IQGAP2: variants seen among roughly 807,000 people sequenced by gnomAD.
IQGAP2 encodes the protein ras GTPase-activating-like protein IQGAP2.
IQGAP2 carries 173 observed loss-of-function variants against 201.3 expected under a neutral mutation model. The observed-to-expected ratio is 0.86, with a 90% confidence interval of 0.76 to 0.98. The LOEUF (loss-of-function observed/expected upper bound fraction) is 0.98, where lower values mean the gene tolerates loss of function less well. IQGAP2 is among the 50% of genes least tolerant of loss of function. The pLI is 0.00. For synonymous variants in IQGAP2, 675 were observed against 673.9 expected, an observed-to-expected ratio of 1.00 and a Z score of -0.03; for missense variants, 1,687 against 1,864.8, an observed-to-expected ratio of 0.90 and a Z score of 1.76.
At chr5:76,647,823 C>CCACACACACACACA (rs374577768) in intron 17 of IQGAP2, among the ~76,000 whole-genome samples, 4 of 62,638 alleles carry the variant, frequency 6.4e-5, no homozygotes, top group African/African-American at 1.4e-4. Flanking sequence ...TAGCCAAACA[C>CCACACACACACACA]CACACACACA....
At chr5:76,565,929 G>T (rs1192710572) in intron 3 of IQGAP2, among the ~76,000 whole-genome samples, 2 of 152,046 alleles carry the variant, frequency 1.3e-5, no homozygotes, top group Non-Finnish European at 2.9e-5. Context: ...CCCAGGAAGC[G>T]GTACTCTTAA....
At chr5:76,638,018 A>G (rs1213922816) in intron 16 of IQGAP2, among the ~76,000 whole-genome samples, 1 of 152,198 alleles carries the variant, frequency 6.6e-6, no homozygotes, top group Non-Finnish European at 1.5e-5. Flanking sequence ...ATCTCTTTTT[A>G]ACCAAACTAT....
intron 21 of IQGAP2, chr5:76,660,098 A>ATAGG (rs1477367329): frequency 9.8e-6 from 1 of 102,212 alleles, no homozygotes. Flanking sequence ...ACAGTGGCTC[A>ATAGG]TAGAGCGCCA....
intron 2 of IQGAP2, among the ~76,000 whole-genome samples, chr5:76,501,434 TAAAC>T (rs1192086453): frequency 1.3e-5 from 2 of 152,058 alleles, no homozygotes; most frequent in African/African-American, 4.8e-5. Context: ...TTAAAAATAA[TAAAC>T]TATAAAGGAA....
At chr5:76,612,188 C>T (rs994460246) in intron 13 of IQGAP2, among the ~76,000 whole-genome samples, 1 of 151,998 alleles carries the variant, frequency 6.6e-6, no homozygotes, top group Non-Finnish European at 1.5e-5. Context: ...TTGTTGAAAG[C>T]TATCTAAAAT....
At chr5:76,633,558 A>G (rs1347644594) in intron 15 of IQGAP2, among the ~76,000 whole-genome samples, 1 of 152,218 alleles carries the variant, frequency 6.6e-6, no homozygotes, top group Middle Eastern at 3.2e-3. Flanking sequence ...TTTATATGCC[A>G]TAAAATTGTC....
At chr5:76,551,902 A>AGGGGGAGGGGG (rs1743576433) in intron 2 of IQGAP2, among the ~76,000 whole-genome samples, 1 of 8,614 alleles carries the variant, frequency 1.2e-4, no homozygotes, top group African/African-American at 4.3e-4. Context: ...GGGGGAGGGG[A>AGGGGGAGGGGG]GGGGGAGGGA....
intron 2 of IQGAP2, among the ~76,000 whole-genome samples, chr5:76,498,759 G>A (rs531078392): frequency 5.3e-4 from 80 of 152,212 alleles, no homozygotes; most frequent in Non-Finnish European, 9.8e-4. Context: ...CTTACCTGGT[G>A]TATCTCCTTA....
rs1742944394 is a variant in IQGAP2 at position 76,658,396 on chromosome 5, C to A, written c.2321-63C>A. 3.0e-6 allele frequency: 4 copies of A among 1,329,920 alleles called. No homozygotes were observed. The South Asian group carries it at 4.8e-5, about 16-fold the overall frequency. 82.4% of individuals were successfully genotyped at this position (1,329,920 alleles called of 1,614,324 possible). On this transcript the variant is annotated intron_variant, in intron 20 of 35. Coordinates refer to ENST00000274364, the MANE Select transcript of IQGAP2 (RefSeq NM_006633.5). Reference sequence around the variant, plus strand: ...CTAGTAATTATTTAAGACCTTGTTTCTTTCCTGTTGATAATCATTCCAAGC... The same window carrying A: ...CTAGTAATTATTTAAGACCTTGTTTATTTCCTGTTGATAATCATTCCAAGC...
chr5:76,444,743 A>G (rs1009745679), intron 1 of IQGAP2, among the ~76,000 whole-genome samples: 1 of 152,240 alleles, frequency 6.6e-6, no homozygotes, highest in Non-Finnish European at 1.5e-5. Flanking sequence ...GCAGTCGAAG[A>G]AGTAAAATCC....
At chr5:76,405,848 G>C (rs1750767905) in intron 1 of IQGAP2, among the ~76,000 whole-genome samples, 1 of 152,048 alleles carries the variant, frequency 6.6e-6, no homozygotes, top group Admixed American at 6.6e-5. Context: ...CTTGTTTATT[G>C]GTTTGGTAAA....
intron 2 of IQGAP2, among the ~76,000 whole-genome samples, chr5:76,486,134 T>C (rs1348281638): frequency 1.3e-5 from 2 of 152,242 alleles, no homozygotes; most frequent in Non-Finnish European, 2.9e-5. Flanking sequence ...GTAGATTTCA[T>C]TTAAAATGTA....
chr5:76,673,389 G>A, intron 24 of IQGAP2, 60 bp from the exon 25 acceptor site: 1 of 1,563,282 alleles, frequency 6.4e-7, no homozygotes, highest in Non-Finnish European at 8.7e-7. Flanking sequence ...AACCAACTTG[G>A]CAGCAAAATT....
intron 2 of IQGAP2, chr5:76,510,462 G>C (rs1398329967): frequency 3.2e-6 from 1 of 308,904 alleles, no homozygotes; most frequent in Non-Finnish European, 6.4e-6. Flanking sequence ...CCCGGGCCAG[G>C]CAGCAGCACA....
chr5:76,600,695 C>T, intron 10 of IQGAP2, 117 bp from the exon 11 acceptor site: 3 of 1,232,738 alleles, frequency 2.4e-6, no homozygotes, highest in Non-Finnish European at 2.3e-6. Flanking sequence ...CCTCTTTCTG[C>T]TGAGCTATCA....
intron 2 of IQGAP2, among the ~76,000 whole-genome samples, chr5:76,516,866 T>C (rs1758364363): frequency 6.6e-6 from 1 of 152,218 alleles, no homozygotes; most frequent in African/African-American, 2.4e-5. Context: ...CTATCTTAAC[T>C]TAAAAAATTT....
intron 1 of IQGAP2, among the ~76,000 whole-genome samples, chr5:76,425,542 A>G (rs1751947608): frequency 6.6e-6 from 1 of 152,132 alleles, no homozygotes; most frequent in Non-Finnish European, 1.5e-5. Flanking sequence ...CTGAAAGGAA[A>G]TGTGTCAAAT....
At chr5:76,521,890 C>A (rs1758701691) in intron 2 of IQGAP2, among the ~76,000 whole-genome samples, 2 of 151,900 alleles carry the variant, frequency 1.3e-5, no homozygotes, top group Admixed American at 1.3e-4. Context: ...TAGTTTGGGG[C>A]CTGCTTGGAG....
intron 5 of IQGAP2, among the ~76,000 whole-genome samples, chr5:76,587,444 C>G (rs766404042): frequency 2.6e-5 from 4 of 152,158 alleles, no homozygotes; most frequent in Non-Finnish European, 4.4e-5. Flanking sequence ...ATGCTCAGCA[C>G]TTGCTTAAGA....
Sources: allele counts gnomAD v4.1 joint callset (sites outside exome capture counted in the v4.1 genomes callset), GRCh38; gene constraint gnomAD v4.1.1; transcripts MANE v1.5; gene names NCBI Gene and HGNC (gene_info 2026-07-23, HGNC 2026-07-21).